The following PPP1R3A variants were observed in gnomAD, a reference collection of about 807,000 sequenced individuals.
The protein encoded by PPP1R3A is protein phosphatase 1 regulatory subunit 3A.
Under a neutral mutation model 41.7 loss-of-function variants are expected in PPP1R3A, and 29 were observed. The ratio of observed to expected loss-of-function variants is 0.70; its 90% CI spans 0.52 to 0.95. The LOEUF (loss-of-function observed/expected upper bound fraction) is 0.95. Among genes scored for constraint, PPP1R3A ranks in the 40% least tolerant of loss-of-function variants. PPP1R3A has a pLI of 0.00. For missense variants in PPP1R3A, 1,352 were observed against 1,292.4 expected (o/e 1.05, Z -0.71); for synonymous variants, 485 against 453.4 (o/e 1.07, Z -0.89).
rs374209772 is a variant in PPP1R3A, at chr7:113,879,547, C to T, written c.1545G>A (p.Lys515=). The T allele has an allele frequency of 3.1e-5, 50 of 1,612,826 alleles. No homozygotes were observed. Among genetic ancestry groups the T allele is most frequent in the Non-Finnish European group, 3.9e-5 (46 of 1,179,440 alleles). The change falls in exon 4 of 4, where the codon AAG becomes AAA. Residue 515 remains lysine, a synonymous_variant. Transcript: ENST00000284601. ...AATATATTCTTTGTTCTTCATCATC[C>T]TTACCATTGCCATAATAATCTTCCT... ...SSKEDYYGNG[K]DDEEQRIYLG... is the part of the protein sequence containing the mutation.
intron 1 of PPP1R3A, among the ~76,000 whole-genome samples, chr7:113,896,342 T>A (rs966018579): frequency 6.6e-6 from 1 of 151,838 alleles, no homozygotes; most frequent in African/African-American, 2.4e-5. Context: ...CTCCTCCTCT[T>A]CAGCTCATGG....
Position 113,877,844 on chromosome 7 carries a change from A to G in PPP1R3A, c.3248T>C (p.Leu1083Pro), listed in dbSNP as rs200625673. The G allele has an allele frequency of 1.2e-6, 2 of 1,610,380 alleles. No individual in the cohort carries two copies. The highest frequency in any genetic ancestry group is 4.5e-5 in the East Asian group (2 of 44,806). ...NSKIPYFLLFLIFLITVYHYD... is the reference protein window; with the variant it reads ...NSKIPYFLLFPIFLITVYHYD... The stretch of plus-strand genomic sequence containing the variant: ...ATGGTAGACAGTTATAAGAAATATC[A>G]GAAACAAAAGGAAATAAGGTATTTT... Residue 1083 changes from leucine (L) to proline (P), a missense_variant, in exon 4 of 4, where the codon CTG (leucine) becomes CCG (proline). Leu to Pro is a moderately conservative substitution (Grantham distance 98). Transcript: ENST00000284601.
chr7:113,895,008 G>A (rs1014152831), intron 1 of PPP1R3A, among the ~76,000 whole-genome samples: 3 of 151,950 alleles, frequency 2.0e-5, no homozygotes, highest in Admixed American at 2.0e-4. Flanking sequence ...ACAGCCCTCA[G>A]GAGAGGAATA....
chr7:113,889,333 G>A (rs1353965239), intron 1 of PPP1R3A, among the ~76,000 whole-genome samples: 2 of 152,024 alleles, frequency 1.3e-5, no homozygotes, highest in Non-Finnish European at 2.9e-5. Context: ...AAGATATCAA[G>A]AAATAAAGAA....
intron 1 of PPP1R3A, among the ~76,000 whole-genome samples, chr7:113,907,515 T>G (rs1797166204): frequency 6.6e-6 from 1 of 151,434 alleles, no homozygotes; most frequent in Admixed American, 6.6e-5. Flanking sequence ...TTTCCAGAAT[T>G]TAACCAAAAA....
chr7:113,914,002 A>C (rs889302206), intron 1 of PPP1R3A, among the ~76,000 whole-genome samples: 1 of 152,048 alleles, frequency 6.6e-6, no homozygotes, highest in Non-Finnish European at 1.5e-5. Context: ...CCTGACATAC[A>C]GTTCTTTAGT....
rs747073558 is a variant in PPP1R3A, at chr7:113,879,320, C to T, written c.1772G>A (p.Trp591Ter). ...VSHSPRTNLS[W>*]EEAVLTPEHH... ...CTCTGGGGTTAACACAGCTTCTTCC[C>T]AACTTAAATTTGTCCTTGGTGAATG... Residue 591 changes from tryptophan to a stop codon, truncating the protein, a stop_gained, in exon 4 of 4, where the codon TGG becomes TAG. Transcript: ENST00000284601. LOFTEE classifies it low-confidence loss of function (END_TRUNC). The T allele has an allele frequency of 6.2e-7, 1 of 1,613,544 alleles. No individual in the cohort carries two copies. Among genetic ancestry groups the T allele is most frequent in the Non-Finnish European group, 8.5e-7 (1 of 1,179,704 alleles).
chr7:113,877,585 C>T lies in PPP1R3A; in HGVS notation c.*138G>A, dbSNP rs1452004645. ...ATAATTACTTATATGAAGGAGCAAA[C>T]TTATTCGCGTCCCTTTTTAAATGAT... On this transcript the variant is annotated 3_prime_UTR_variant, in exon 4 of 4. Transcript: ENST00000284601. 11 of 1,007,100 alleles carry T rather than the reference C, an allele frequency of 1.1e-5. No individual in the cohort carries two copies. The highest frequency in any genetic ancestry group is 1.4e-5 in the Non-Finnish European group (10 of 696,562). 62.4% of individuals were successfully genotyped at this position (1,007,100 alleles called of 1,614,324 possible).
rs147747506 is a variant in PPP1R3A at position 113,878,369 on chromosome 7, C to A, written c.2723G>T (p.Arg908Ile). 1.6e-3 allele frequency: 2,534 copies of A among 1,612,350 alleles called. 33 individuals are homozygous for A. The highest frequency in any genetic ancestry group is 4.0e-4 in the Non-Finnish European group (469 of 1,179,646). The change falls in exon 4 of 4, where the codon AGA (arginine) becomes ATA (isoleucine). Residue 908 changes from arginine (R) to isoleucine (I), a missense_variant. Arg to Ile is a moderately conservative substitution (Grantham distance 97). Coordinates refer to ENST00000284601, the MANE Select transcript of PPP1R3A (RefSeq NM_002711.4). ...AAAAGGAGAGCTATTCTGAGGAGCTCTATTAGTGTCTGAGTTAAAAGCAGA... is the reference window on the plus strand; with the variant it reads ...AAAAGGAGAGCTATTCTGAGGAGCTATATTAGTGTCTGAGTTAAAAGCAGA... ...VHSAFNSDTN[R>I]APQNSSPFSK...
chr7:113,904,527 A>G (rs1006624500), intron 1 of PPP1R3A, among the ~76,000 whole-genome samples: 1 of 151,872 alleles, frequency 6.6e-6, no homozygotes, highest in African/African-American at 2.4e-5. Flanking sequence ...TCAATACACT[A>G]CAGTTCATTA....
rs1216327486 is a variant in PPP1R3A, at chr7:113,912,683, C to T, written c.782+5532G>A. On this transcript the variant is annotated intron_variant, in intron 1 of 3. Transcript: ENST00000284601. ...TAAGTTGACCCACTTCATAACGGTGCCATCTTTTTCTTCTTCCTTTTTTCT... is the reference window on the plus strand; with the variant it reads ...TAAGTTGACCCACTTCATAACGGTGTCATCTTTTTCTTCTTCCTTTTTTCT... 4.6e-5 allele frequency among the ~76,000 whole-genome samples: 7 copies of T among 152,130 alleles called. No homozygotes were observed. The South Asian group carries it at 6.2e-4, about 14-fold the overall frequency.
At chr7:113,883,351 G>A (rs1796726609) in intron 1 of PPP1R3A, among the ~76,000 whole-genome samples, 1 of 151,932 alleles carries the variant, frequency 6.6e-6, no homozygotes, top group Non-Finnish European at 1.5e-5. Flanking sequence ...TTCATTGCAT[G>A]AGCAATTCTG....
At chr7:113,894,320 C>A (rs1476566174) in intron 1 of PPP1R3A, among the ~76,000 whole-genome samples, 2 of 151,932 alleles carry the variant, frequency 1.3e-5, no homozygotes, top group Admixed American at 1.3e-4. Flanking sequence ...CATATTCAAT[C>A]GAGAGAAAAA....
chr7:113,879,482 ATTGT>A lies in PPP1R3A; in HGVS notation c.1606_1609del (p.Thr536SerfsTer14), dbSNP rs771146834. ...CATCTTCCTTTCTTGGTCATGTAAGATTGTTTGGAAATTTTTTCTTTGTTTTTCA... is the reference window on the plus strand; with the variant it reads ...CATCTTCCTTTCTTGGTCATGTAAGATTGGAAATTTTTTCTTTGTTTTTCA... On this transcript the variant is annotated frameshift_variant, in exon 4 of 4. Transcript: ENST00000284601. LOFTEE classifies it low-confidence loss of function (END_TRUNC). The A allele has an allele frequency of 2.5e-6, 4 of 1,613,224 alleles. No individual in the cohort carries two copies. The highest frequency in any genetic ancestry group is 2.5e-6 in the Non-Finnish European group (3 of 1,179,626).
At position 113,918,864 on chromosome 7, in the gene PPP1R3A, C is replaced by T. The variant is rs8192687; in HGVS notation, c.133G>A (p.Gly45Ser). The T allele has an allele frequency of 6.3e-3, 10,088 of 1,613,728 alleles. 73 individuals are homozygous for T. The highest frequency in any genetic ancestry group is 8.9e-3 in the South Asian group (809 of 91,078). ...PGFSPQPSRRGSDSSEDIYLD... is the reference protein window; with the variant it reads ...PGFSPQPSRRSSDSSEDIYLD... ...TATATGTCTTCAGAAGAATCAGAACCTCGTCTACTTGGTTGAGGGGAGAAA... is the reference window on the plus strand; with the variant it reads ...TATATGTCTTCAGAAGAATCAGAACTTCGTCTACTTGGTTGAGGGGAGAAA... The change falls in exon 1 of 4, where the codon GGT becomes AGT. Residue 45 changes from glycine to serine, a missense_variant. By Grantham distance (56) the Gly-to-Ser change is moderately conservative. Coordinates refer to ENST00000284601, the MANE Select transcript of PPP1R3A (RefSeq NM_002711.4).
chr7:113,909,304 TAA>T (rs531690518), intron 1 of PPP1R3A, among the ~76,000 whole-genome samples: 93 of 152,168 alleles, frequency 6.1e-4, no homozygotes, highest in South Asian at 1.7e-3. Flanking sequence ...TCAAGAATTC[TAA>T]TATAGCTATC....
intron 1 of PPP1R3A, among the ~76,000 whole-genome samples, chr7:113,908,921 T>A (rs1387790221): frequency 6.6e-6 from 1 of 151,834 alleles, no homozygotes; most frequent in African/African-American, 2.4e-5. Context: ...TGCTCACTTA[T>A]AAGTGAGAGA....
intron 1 of PPP1R3A, among the ~76,000 whole-genome samples, chr7:113,890,327 G>C (rs888019047): frequency 2.0e-5 from 3 of 152,110 alleles, no homozygotes; most frequent in African/African-American, 7.2e-5. Flanking sequence ...GTGGGCAGTG[G>C]GAATCTGCAT....
chr7:113,900,802 A>T (rs556804763), intron 1 of PPP1R3A, among the ~76,000 whole-genome samples: 9 of 148,900 alleles, frequency 6.0e-5, no homozygotes, highest in Non-Finnish European at 1.3e-4. Context: ...TTATATATGT[A>T]TATATACTCC....
Sources: gnomAD v4.1 joint callset for allele counts (sites outside exome capture counted in the v4.1 genomes callset) on GRCh38, gnomAD v4.1.1 for gene constraint, MANE v1.5 for transcripts, NCBI Gene and HGNC (gene_info 2026-07-23, HGNC 2026-07-21) for gene names.